ATXN1: variants seen among roughly 807,000 people sequenced by gnomAD.
ATXN1 encodes ataxin 1, also known as ataxin-1.
A neutral mutation model predicts 56.4 loss-of-function variants in ATXN1; 8 were observed. The ratio of observed to expected loss-of-function variants is 0.14; its 90% CI spans 0.08 to 0.26. The LOEUF is 0.26. ATXN1 is among the 10% of genes least tolerant of loss of function. The pLI, the probability that ATXN1 is intolerant of heterozygous loss-of-function variation, is 1.00. For synonymous variants in ATXN1, 514 were observed against 494.6 expected, an observed-to-expected ratio of 1.04 and a Z score of -0.52; for missense variants, 987 against 1,106.5, an observed-to-expected ratio of 0.89 and a Z score of 1.53.
intron 6 of ATXN1, among the ~76,000 whole-genome samples, chr6:16,461,285 G>A (rs1043459179): frequency 5.9e-5 from 9 of 152,180 alleles, no homozygotes; most frequent in Non-Finnish European, 1.2e-4. Context: ...GGTGGTTAAC[G>A]GCAGAAGAGG....
chr6:16,317,652 G>A (rs1760544951), intron 7 of ATXN1, among the ~76,000 whole-genome samples: 2 of 152,024 alleles, frequency 1.3e-5, no homozygotes, highest in Non-Finnish European at 2.9e-5. Context: ...GTAAGCTTGA[G>A]GGCCCTCTGT....
intron 3 of ATXN1, among the ~76,000 whole-genome samples, chr6:16,600,862 G>A (rs754035673): frequency 6.6e-6 from 1 of 152,194 alleles, no homozygotes; most frequent in Admixed American, 6.5e-5. Context: ...TAAGGTATAT[G>A]TCTGGCAAGC....
intron 2 of ATXN1, among the ~76,000 whole-genome samples, chr6:16,672,010 C>T (rs746252547): frequency 6.6e-6 from 1 of 152,062 alleles, no homozygotes; most frequent in Non-Finnish European, 1.5e-5. Flanking sequence ...AGCCAAGGAC[C>T]TTTTATGTTA....
In ATXN1 at chr6:16,520,102, G is replaced by A. The variant is rs114219177; in HGVS notation, c.-299+2525C>T. Among the ~76,000 whole-genome samples the A allele has an allele frequency of 3.3e-3, 499 of 152,188 alleles. 1 individual carries two copies. The highest frequency in any genetic ancestry group is 0.012 in the African/African-American group (484 of 41,508). ...GGCCTCTAGCAAATAAAATCACAGCGCTGGCAAGAGCATTTCCCTGGATTT... is the reference window on the plus strand; with the variant it reads ...GGCCTCTAGCAAATAAAATCACAGCACTGGCAAGAGCATTTCCCTGGATTT... On this transcript the variant is annotated intron_variant, in intron 5 of 7. Coordinates refer to ENST00000436367, the MANE Select transcript of ATXN1 (RefSeq NM_001128164.2).
At chr6:16,576,083 TG>T (rs1762414776) in intron 4 of ATXN1, among the ~76,000 whole-genome samples, 1 of 150,380 alleles carries the variant, frequency 6.6e-6, no homozygotes, top group African/African-American at 2.5e-5. Context: ...CTAGGAAAAT[TG>T]GAAACAGCTA....
chr6:16,391,705 C>T (rs557571344), intron 6 of ATXN1, among the ~76,000 whole-genome samples: 16 of 152,296 alleles, frequency 1.1e-4, no homozygotes, highest in African/African-American at 3.8e-4. Flanking sequence ...GCGGAAGGTT[C>T]TGGAAAAGCA....
At chr6:16,363,530 C>A (rs1324044378) in intron 6 of ATXN1, among the ~76,000 whole-genome samples, 1 of 152,194 alleles carries the variant, frequency 6.6e-6, no homozygotes, top group East Asian at 1.9e-4. Context: ...AGTTGATGCT[C>A]TTTGACATGA....
intron 2 of ATXN1, among the ~76,000 whole-genome samples, chr6:16,674,095 TGA>T (rs1344759661): frequency 6.6e-6 from 1 of 152,082 alleles, no homozygotes; most frequent in Non-Finnish European, 1.5e-5. Context: ...CTCATTCAAA[TGA>T]GTCTCCCAAG....
chr6:16,609,029 A>G (rs1763059598), intron 3 of ATXN1, among the ~76,000 whole-genome samples: 1 of 152,248 alleles, frequency 6.6e-6, no homozygotes, highest in Admixed American at 6.5e-5. Context: ...GAGGGCACCC[A>G]GCATTTTTAA....
In ATXN1 at chr6:16,760,951, A is replaced by T. The variant is rs908764500; in HGVS notation, c.-730+347T>A. Among the ~76,000 whole-genome samples, 9 of 146,162 alleles carry T rather than the reference A, an allele frequency of 6.2e-5. No individual in the cohort carries two copies. Among genetic ancestry groups the T allele is most frequent in the African/African-American group, 2.2e-4 (9 of 40,038 alleles). ...CGCCCCCCGCCCGGGCGCGCCCCCT[A>T]GCCCGGCGGGCGCCCACCCAGCCCC... On this transcript the variant is annotated intron_variant, in intron 1 of 7. Transcript: ENST00000436367. The surrounding 1 kb of genome is among the most constrained non-coding windows in gnomAD (Gnocchi z 5.3).
At chr6:16,473,636 T>C (rs1047270992) in intron 6 of ATXN1, among the ~76,000 whole-genome samples, 2 of 152,074 alleles carry the variant, frequency 1.3e-5, no homozygotes, top group African/African-American at 4.8e-5. Flanking sequence ...TTGGTAGGTG[T>C]TTATTTAGAA....
chr6:16,501,345 T>C (rs1039512061), intron 5 of ATXN1, among the ~76,000 whole-genome samples: 3 of 152,246 alleles, frequency 2.0e-5, no homozygotes, highest in African/African-American at 2.4e-5. Flanking sequence ...CTGGGATACA[T>C]GTGCAGAACA....
rs556452892 is a variant in ATXN1 at position 16,301,627 on chromosome 6, A to G, written c.*4702T>C. The G allele has an allele frequency of 4.5e-4, 69 of 152,660 alleles. No homozygotes were observed. Among genetic ancestry groups the G allele is most frequent in the African/African-American group, 1.6e-3 (68 of 41,552 alleles). The allele number at this position is 152,660 out of a possible 1,614,324, so 9.5% of individuals were successfully genotyped here. On this transcript the variant is annotated 3_prime_UTR_variant, in exon 8 of 8. Transcript: ENST00000436367. ...AAAAAGTGTAATTCTCTCCTTTCAC[A>G]TCACCACCGAAGAAACCGAATTGGG...
At chr6:16,637,105 AT>A in intron 3 of ATXN1, among the ~76,000 whole-genome samples, 1 of 152,350 alleles carries the variant, frequency 6.6e-6, no homozygotes, top group Non-Finnish European at 1.5e-5. Flanking sequence ...CCAAATGTCC[AT>A]CAATGATAGA....
intron 3 of ATXN1, among the ~76,000 whole-genome samples, chr6:16,645,362 G>A (rs1388150071): frequency 6.6e-6 from 1 of 152,190 alleles, no homozygotes; most frequent in African/African-American, 2.4e-5. Flanking sequence ...CTGGTCCTGA[G>A]GACAGATTAT....
In ATXN1 at chr6:16,701,869, T is replaced by A. The variant is rs1411058503; in HGVS notation, c.-614-43968A>T. On this transcript the variant is annotated intron_variant, in intron 2 of 7. Transcript: ENST00000436367. ...CAAATGGAAGAACATTCCATGCTCATGGAAAGGAAGAAGCAATATCGTCAA... is the reference window on the plus strand; with the variant it reads ...CAAATGGAAGAACATTCCATGCTCAAGGAAAGGAAGAAGCAATATCGTCAA... 2.0e-5 allele frequency among the ~76,000 whole-genome samples: 3 copies of A among 152,178 alleles called. No homozygotes were observed. In the East Asian group the frequency reaches 5.8e-4, roughly 29 times the overall value.
intron 4 of ATXN1, among the ~76,000 whole-genome samples, chr6:16,533,081 G>A (rs949467230): frequency 1.3e-5 from 2 of 152,190 alleles, no homozygotes; most frequent in Non-Finnish European, 2.9e-5. Context: ...GCTACAACAT[G>A]GATATGCAGT....
At chr6:16,511,599 C>T (rs942674088) in intron 5 of ATXN1, among the ~76,000 whole-genome samples, 4 of 152,032 alleles carry the variant, frequency 2.6e-5, no homozygotes, top group East Asian at 1.9e-4. Flanking sequence ...GCAACAAGTC[C>T]GAAACCTCCA....
intron 1 of ATXN1, among the ~76,000 whole-genome samples, chr6:16,757,204 C>A (rs750176346): frequency 1.3e-5 from 2 of 152,282 alleles, no homozygotes; most frequent in Non-Finnish European, 2.9e-5. Flanking sequence ...GAAGTCTAGT[C>A]GTAACATTTT....
Sources: allele counts gnomAD v4.1 joint callset (sites outside exome capture counted in the v4.1 genomes callset), GRCh38; gene constraint gnomAD v4.1.1; non-coding constraint Gnocchi (gnomAD v3.1); transcripts MANE v1.5; gene names NCBI Gene and HGNC (gene_info 2026-07-23, HGNC 2026-07-21).